POLN: variants seen among roughly 807,000 people sequenced by gnomAD.
POLN encodes the protein DNA polymerase N.
Under a neutral mutation model 113.5 loss-of-function variants are expected in POLN, and 108 were observed. The observed-to-expected ratio is 0.95, with a 90% CI of 0.81 to 1.12. The LOEUF (loss-of-function observed/expected upper bound fraction) is 1.12, where lower values mean the gene tolerates loss of function less well. Among genes scored for constraint, POLN ranks in the 50% most tolerant of loss-of-function variants. The pLI is 0.00. For synonymous variants in POLN, 386 were observed against 391.5 expected (o/e 0.99, Z 0.17); for missense variants, 1,097 against 1,077.1 (o/e 1.02, Z -0.26).
At chr4:2,173,515 C>G (rs576204218) in intron 11 of POLN, among the ~76,000 whole-genome samples, 9 of 152,032 alleles carry the variant, frequency 5.9e-5, no homozygotes, top group Admixed American at 5.2e-4. Flanking sequence ...TGCCCCGCCC[C>G]GCCACTGCTC....
At chr4:2,072,755 C>A (rs1341911312) in intron 25 of POLN, among the ~76,000 whole-genome samples, 1 of 152,196 alleles carries the variant, frequency 6.6e-6, no homozygotes, top group East Asian at 1.9e-4. Flanking sequence ...AGGGGTCCAG[C>A]CCCGGCTGCC....
chr4:2,074,719 G>A (rs941524296), intron 24 of POLN, among the ~76,000 whole-genome samples: 19 of 152,104 alleles, frequency 1.2e-4, no homozygotes, highest in African/African-American at 3.9e-4. Context: ...TGACGCCCCC[G>A]TGCCTCTTCT....
chr4:2,139,707 C>T (rs770385383), intron 16 of POLN: 4 of 152,106 alleles, frequency 2.6e-5, no homozygotes, highest in Non-Finnish European at 4.4e-5. Context: ...TATATGAACA[C>T]CTTGCTAATA....
At chr4:2,080,625 C>A in intron 23 of POLN, 1 of 1,249,350 alleles carries the variant, frequency 8.0e-7, no homozygotes, top group Non-Finnish European at 1.0e-6. Flanking sequence ...CAGGGTCCTG[C>A]TCAAGGGGCT....
intron 7 of POLN, among the ~76,000 whole-genome samples, chr4:2,192,898 AGTTT>A (rs1166498994): frequency 1.3e-5 from 2 of 151,978 alleles, no homozygotes; most frequent in African/African-American, 4.8e-5. Context: ...TCTGGACTGT[AGTTT>A]AATTCTTAGA....
chr4:2,082,623 G>A (rs772420035), intron 21 of POLN: 1 of 152,220 alleles, frequency 6.6e-6, no homozygotes, highest in Non-Finnish European at 1.5e-5. Context: ...GACTGAGGAT[G>A]AGAAGAATTT....
At chr4:2,151,679 G>A (rs1732298916) in intron 16 of POLN, among the ~76,000 whole-genome samples, 2 of 152,220 alleles carry the variant, frequency 1.3e-5, no homozygotes, top group Non-Finnish European at 2.9e-5. Context: ...CGTAGCTGAA[G>A]CTCATAGTAA....
intron 3 of POLN, among the ~76,000 whole-genome samples, chr4:2,217,161 C>G (rs867245): frequency 0.16 from 24,265 of 152,042 alleles, 3,186 homozygotes; most frequent in East Asian, 0.35. Flanking sequence ...ACCTGTCAAG[C>G]CACTAACCGC....
At chr4:2,143,997 C>T (rs1042026860) in intron 16 of POLN, among the ~76,000 whole-genome samples, 1 of 151,904 alleles carries the variant, frequency 6.6e-6, no homozygotes, top group African/African-American at 2.4e-5. Flanking sequence ...TAATACATTG[C>T]CCATGGGAAC....
intron 6 of POLN, 69 bp downstream of exon 6, chr4:2,198,455 G>C (rs1733632315): frequency 7.3e-7 from 1 of 1,364,786 alleles, no homozygotes; most frequent in Admixed American, 2.5e-5. Flanking sequence ...ACTGGACCTT[G>C]AGCAAGTTTC....
At chr4:2,177,146 A>G in intron 8 of POLN, 1 of 276,266 alleles carries the variant, frequency 3.6e-6, no homozygotes, top group Non-Finnish European at 7.3e-6. Flanking sequence ...GCAGAATTCT[A>G]CCTGGCTGCC....
At chr4:2,138,480 T>C (rs373346136) in intron 16 of POLN, among the ~76,000 whole-genome samples, 6 of 152,270 alleles carry the variant, frequency 3.9e-5, no homozygotes, top group East Asian at 1.9e-4. Context: ...GGGACAGCTA[T>C]ACCAGGAGGC....
At chr4:2,171,405 A>T (rs1488436119) in intron 11 of POLN, among the ~76,000 whole-genome samples, 1 of 150,810 alleles carries the variant, frequency 6.6e-6, no homozygotes, top group Non-Finnish European at 1.5e-5. Flanking sequence ...AAAAAAAAAA[A>T]AAAAAATTAG....
chr4:2,178,779 T>G (rs1733057247), intron 8 of POLN, among the ~76,000 whole-genome samples: 1 of 152,128 alleles, frequency 6.6e-6, no homozygotes, highest in African/African-American at 2.4e-5. Context: ...GATTGGCTAA[T>G]TTTTATATTT....
intron 4 of POLN, among the ~76,000 whole-genome samples, chr4:2,208,742 C>T (rs1004931563): frequency 1.3e-5 from 2 of 152,104 alleles, no homozygotes; most frequent in African/African-American, 4.8e-5. Context: ...GTAATCCCAG[C>T]ACTTTGGGAG....
At chr4:2,205,953 A>T (rs545034666) in intron 5 of POLN, among the ~76,000 whole-genome samples, 1 of 152,258 alleles carries the variant, frequency 6.6e-6, no homozygotes, top group Non-Finnish European at 1.5e-5. Flanking sequence ...AGCAAGACTA[A>T]GCAAAAAGAG....
At chr4:2,131,406 C>T in intron 16 of POLN, 116 bp from the exon 17 acceptor site, 2 of 657,446 alleles carry the variant, frequency 3.0e-6, no homozygotes, top group Non-Finnish European at 5.1e-6. Flanking sequence ...GCCAATGTAA[C>T]ATGCATAAGC....
chr4:2,137,910 C>T (rs1731901100), intron 16 of POLN, among the ~76,000 whole-genome samples: 1 of 152,154 alleles, frequency 6.6e-6, no homozygotes, highest in South Asian at 2.1e-4. Flanking sequence ...GTGATCTTGG[C>T]TCACTGCAAC....
chr4:2,129,805 T>C (rs966072778), intron 17 of POLN, among the ~76,000 whole-genome samples: 2 of 152,214 alleles, frequency 1.3e-5, no homozygotes. Context: ...AAGTCAAACG[T>C]TGACAACCAA....
Sources: gnomAD v4.1 joint callset for allele counts (sites outside exome capture counted in the v4.1 genomes callset) on GRCh38, gnomAD v4.1.1 for gene constraint, MANE v1.5 for transcripts, NCBI Gene and HGNC (gene_info 2026-07-23, HGNC 2026-07-21) for gene names.